CACNA1D: variants seen among roughly 807,000 people sequenced by gnomAD.
The protein encoded by CACNA1D is voltage-dependent L-type calcium channel subunit alpha-1D.
CACNA1D carries 55 observed loss-of-function variants against 257.1 expected under a neutral mutation model. The ratio of observed to expected loss-of-function variants is 0.21; its 90% CI spans 0.17 to 0.27. CACNA1D has a LOEUF of 0.27. Among genes scored for constraint, CACNA1D ranks in the 10% least tolerant of loss-of-function variants. CACNA1D has a pLI of 1.00. For missense variants in CACNA1D, 1,876 were observed against 2,784.0 expected (o/e 0.67, Z 7.34); for synonymous variants, 980 against 1,014.9 (o/e 0.97, Z 0.65).
chr3:53,752,869 G>T (rs910802863), intron 28 of CACNA1D, among the ~76,000 whole-genome samples: 1 of 152,222 alleles, frequency 6.6e-6, no homozygotes. Context: ...TCCAGTGGGG[G>T]CAAGAAATGC....
At chr3:53,730,883 T>C (rs940386099) in intron 16 of CACNA1D, 194 bp from the exon 17 acceptor site, 2 of 610,188 alleles carry the variant, frequency 3.3e-6, no homozygotes, top group Non-Finnish European at 5.8e-6. Context: ...TAAGATGGTC[T>C]GTGTAATGAA....
At chr3:53,805,330 T>G in intron 45 of CACNA1D, 184 bp downstream of exon 45, 1 of 627,438 alleles carries the variant, frequency 1.6e-6, no homozygotes, top group Non-Finnish European at 2.8e-6. Context: ...TCTCACGTGA[T>G]AGAGCTCTAG....
At chr3:53,565,129 G>A (rs2092811642) in intron 3 of CACNA1D, among the ~76,000 whole-genome samples, 1 of 151,958 alleles carries the variant, frequency 6.6e-6, no homozygotes, top group Admixed American at 6.6e-5. Context: ...TTCCTTATAT[G>A]CTCATATCTA....
chr3:53,728,990 A>G (rs1297934712), intron 15 of CACNA1D, among the ~76,000 whole-genome samples: 1 of 152,156 alleles, frequency 6.6e-6, no homozygotes, highest in Non-Finnish European at 1.5e-5. Flanking sequence ...TTTGCTTTCC[A>G]CTACCCAAAG....
intron 3 of CACNA1D, among the ~76,000 whole-genome samples, chr3:53,555,470 T>G (rs1316325610): frequency 4.9e-4 from 71 of 146,056 alleles, no homozygotes; most frequent in African/African-American, 1.7e-3. Flanking sequence ...GTTTTTTTTT[T>G]TTTTTTTTTT....
chr3:53,738,310 A>T, intron 20 of CACNA1D, among the ~76,000 whole-genome samples: 1 of 152,210 alleles, frequency 6.6e-6, no homozygotes, highest in East Asian at 1.9e-4. Context: ...ACGCACTCCG[A>T]TATGAAGAGA....
rs1458760983 is a variant in CACNA1D, at chr3:53,813,232, C to T, written c.*1826C>T. 1.4e-5 allele frequency: 2 copies of T among 145,280 alleles called. No homozygotes were observed. Among genetic ancestry groups the T allele is most frequent in the African/African-American group, 5.1e-5 (2 of 39,426 alleles). The allele number at this position is 145,280 out of a possible 1,614,324, so 9.0% of individuals were successfully genotyped here. On this transcript the variant is annotated 3_prime_UTR_variant, in exon 48 of 48. Transcript: ENST00000350061. ...ATTCTTACTCTGATCCAGGCAAAAA[C>T]ACTTCAAGGTTTGTAAATGACTCTT...
At chr3:53,736,453 C>T (rs2095058478) in intron 20 of CACNA1D, among the ~76,000 whole-genome samples, 1 of 152,198 alleles carries the variant, frequency 6.6e-6, no homozygotes, top group African/African-American at 2.4e-5. Flanking sequence ...AAAGAAAGTG[C>T]TGACCTTGGC....
At chr3:53,733,015 A>G in intron 19 of CACNA1D, 53 bp downstream of exon 19, 2 of 1,595,532 alleles carry the variant, frequency 1.3e-6, no homozygotes, top group Non-Finnish European at 1.7e-6. Context: ...GTGACCCTAC[A>G]GGTTGCTTGA....
intron 8 of CACNA1D, among the ~76,000 whole-genome samples, chr3:53,680,781 T>C (rs2094422780): frequency 6.6e-6 from 1 of 152,238 alleles, no homozygotes; most frequent in Admixed American, 6.5e-5. Flanking sequence ...GAGAAACAAA[T>C]TGATGATTGT....
intron 4 of CACNA1D, among the ~76,000 whole-genome samples, chr3:53,651,189 C>T (rs1195361295): frequency 6.6e-6 from 1 of 152,030 alleles, no homozygotes; most frequent in African/African-American, 2.4e-5. Flanking sequence ...GAGGCTTTAC[C>T]TAACACGGTC....
At chr3:53,656,890 A>G (rs1401563443) in intron 4 of CACNA1D, among the ~76,000 whole-genome samples, 1 of 152,218 alleles carries the variant, frequency 6.6e-6, no homozygotes, top group East Asian at 1.9e-4. Flanking sequence ...ACTAAATGTA[A>G]AAAGACTGAA....
intron 22 of CACNA1D, 147 bp from the exon 23 acceptor site, chr3:53,744,593 C>T (rs28365115): frequency 8.3e-6 from 6 of 719,390 alleles, no homozygotes; most frequent in South Asian, 1.5e-5. Flanking sequence ...GCCTCTGAGT[C>T]GTGAAGAGAG....
intron 29 of CACNA1D, among the ~76,000 whole-genome samples, chr3:53,758,224 G>A (rs1159257205): frequency 6.6e-6 from 1 of 152,154 alleles, no homozygotes; most frequent in Admixed American, 6.5e-5. Context: ...AAGCTGTCAG[G>A]CATAGTTTCT....
At chr3:53,760,613 A>T (rs1023897791) in intron 29 of CACNA1D, among the ~76,000 whole-genome samples, 3 of 152,134 alleles carry the variant, frequency 2.0e-5, no homozygotes, top group Non-Finnish European at 4.4e-5. Flanking sequence ...TCCAACCGGG[A>T]GCTTCCCAGG....
chr3:53,769,334 G>A (rs934571758), intron 30 of CACNA1D, among the ~76,000 whole-genome samples: 1 of 152,222 alleles, frequency 6.6e-6, no homozygotes, highest in African/African-American at 2.4e-5. Context: ...ATACGGACCT[G>A]CACTCCCTCT....
intron 20 of CACNA1D, among the ~76,000 whole-genome samples, chr3:53,737,011 T>TC (rs2095064030): frequency 6.6e-6 from 1 of 152,094 alleles, no homozygotes; most frequent in Non-Finnish European, 1.5e-5. Context: ...TAGAAAATGT[T>TC]TGGGGGTGGC....
intron 3 of CACNA1D, among the ~76,000 whole-genome samples, chr3:53,502,618 A>C (rs959613158): frequency 1.6e-4 from 25 of 152,094 alleles, no homozygotes; most frequent in African/African-American, 6.0e-4. Context: ...CTCACCTGTC[A>C]ACTAGCTGTA....
At chr3:53,730,822 T>C (rs2108760962) in intron 16 of CACNA1D, among the ~76,000 whole-genome samples, 1 of 152,340 alleles carries the variant, frequency 6.6e-6, no homozygotes, top group Middle Eastern at 3.4e-3. Context: ...TTTGGTGTCA[T>C]AAAATAAATG....
Sources: allele counts gnomAD v4.1 joint callset (sites outside exome capture counted in the v4.1 genomes callset), GRCh38; gene constraint gnomAD v4.1.1; transcripts MANE v1.5; gene names NCBI Gene and HGNC (gene_info 2026-07-23, HGNC 2026-07-21).